The following SGCZ variants were observed in gnomAD, a reference collection of about 807,000 sequenced individuals.
SGCZ encodes sarcoglycan zeta.
SGCZ carries 40 observed loss-of-function variants against 41.3 expected under a neutral mutation model. That is an observed-to-expected ratio of 0.97 (90% CI 0.75 to 1.26). The LOEUF (loss-of-function observed/expected upper bound fraction) is 1.26, where lower values mean the gene tolerates loss of function less well. SGCZ is among the 50% of genes most tolerant of loss of function. The pLI, the probability that SGCZ is intolerant of heterozygous loss-of-function variation, is 0.00. For synonymous variants in SGCZ, 206 were observed against 137.5 expected (o/e 1.50, Z -3.49); for missense variants, 552 against 369.8 (o/e 1.49, Z -4.04).
chr8:14,623,684 T>A (rs536341611), intron 1 of SGCZ, among the ~76,000 whole-genome samples: 92 of 152,306 alleles, frequency 6.0e-4, no homozygotes, highest in African/African-American at 2.2e-3. Flanking sequence ...ATGTTTATAA[T>A]TTTTAACCCC....
intron 1 of SGCZ, among the ~76,000 whole-genome samples, chr8:14,803,014 G>A (rs975517278): frequency 6.6e-6 from 1 of 152,008 alleles, no homozygotes; most frequent in African/African-American, 2.4e-5. Context: ...CTGCTCCCTT[G>A]GAACGTATTT....
chr8:15,022,759 C>A (rs1180847111), intron 1 of SGCZ, among the ~76,000 whole-genome samples: 6 of 152,166 alleles, frequency 3.9e-5, no homozygotes, highest in Non-Finnish European at 7.3e-5. Context: ...TTATAACTTT[C>A]ATATTCAATG....
At chr8:14,732,967 A>T (rs1798910025) in intron 1 of SGCZ, among the ~76,000 whole-genome samples, 2 of 152,162 alleles carry the variant, frequency 1.3e-5, no homozygotes, top group African/African-American at 4.8e-5. Context: ...ACATTAGTTT[A>T]TCATTTAAAA....
At chr8:14,267,288 C>G (rs1351971045) in intron 3 of SGCZ, among the ~76,000 whole-genome samples, 7 of 151,790 alleles carry the variant, frequency 4.6e-5, no homozygotes, top group Non-Finnish European at 1.0e-4. Flanking sequence ...TAAAAGAGCT[C>G]AAAATGAATC....
chr8:14,110,697 G>A (rs996735966), intron 5 of SGCZ, among the ~76,000 whole-genome samples: 1 of 152,052 alleles, frequency 6.6e-6, no homozygotes, highest in Non-Finnish European at 1.5e-5. Context: ...TAATCTTAAA[G>A]GAAATCAGTA....
intron 5 of SGCZ, among the ~76,000 whole-genome samples, chr8:14,109,369 A>T (rs1802306540): frequency 6.6e-6 from 1 of 152,152 alleles, no homozygotes; most frequent in Admixed American, 6.6e-5. Flanking sequence ...AGTGGGAAAA[A>T]AATGTTCCAA....
intron 1 of SGCZ, among the ~76,000 whole-genome samples, chr8:14,960,873 G>A (rs550396188): frequency 6.6e-6 from 1 of 151,582 alleles, no homozygotes; most frequent in African/African-American, 2.4e-5. Flanking sequence ...CTTTGAAAGT[G>A]GAATTGTATT....
chr8:15,209,762 C>G (rs988309924), intron 1 of SGCZ, among the ~76,000 whole-genome samples: 3 of 56,654 alleles, frequency 5.3e-5, no homozygotes, highest in African/African-American at 1.4e-4. Flanking sequence ...CAGTAGTTGC[C>G]TTAAAAAAAT....
At chr8:14,958,052 T>A (rs1800847320) in intron 1 of SGCZ, among the ~76,000 whole-genome samples, 1 of 152,112 alleles carries the variant, frequency 6.6e-6, no homozygotes, top group Non-Finnish European at 1.5e-5. Flanking sequence ...CACATATTCA[T>A]CTCTATTTTA....
chr8:15,098,941 C>T (rs771700054), intron 1 of SGCZ, among the ~76,000 whole-genome samples: 1 of 152,086 alleles, frequency 6.6e-6, no homozygotes, highest in Non-Finnish European at 1.5e-5. Context: ...GCCTGTAATC[C>T]CAGCTACTCC....
chr8:14,417,510 C>T (rs1188706470), intron 2 of SGCZ, among the ~76,000 whole-genome samples: 1 of 151,784 alleles, frequency 6.6e-6, no homozygotes, highest in Non-Finnish European at 1.5e-5. Flanking sequence ...GAAATAAATA[C>T]ATAGTATCTG....
At chr8:14,451,804 G>A (rs1195548747) in intron 2 of SGCZ, among the ~76,000 whole-genome samples, 4 of 152,132 alleles carry the variant, frequency 2.6e-5, no homozygotes, top group Admixed American at 2.6e-4. Flanking sequence ...TTATTAGAAT[G>A]GCCAAAGTCC....
rs1803829275 is a variant in SGCZ, at chr8:14,551,504, AT to A, written c.234+3227del. The stretch of plus-strand genomic sequence containing the variant: ...ATTATATATATTATATATATTATAT[AT>A]ATTATATATATTATATATAATATAT... On this transcript the variant is annotated intron_variant, in intron 2 of 7. Coordinates refer to ENST00000382080, the MANE Select transcript of SGCZ (RefSeq NM_139167.4). 5.6e-4 allele frequency among the ~76,000 whole-genome samples: 3 copies of A among 5,334 alleles called. 1 individual carries two copies. The highest frequency in any genetic ancestry group is 8.6e-4 in the African/African-American group (1 of 1,158). The allele number at this position is 5,334 out of a possible 152,430, so 3.5% of individuals were successfully genotyped here.
At chr8:14,564,328 T>C (rs1306835686) in intron 1 of SGCZ, among the ~76,000 whole-genome samples, 1 of 152,122 alleles carries the variant, frequency 6.6e-6, no homozygotes, top group Non-Finnish European at 1.5e-5. Context: ...CATATTTAGA[T>C]TTAACGCTAC....
At chr8:14,794,842 A>G (rs1801073504) in intron 1 of SGCZ, among the ~76,000 whole-genome samples, 1 of 152,236 alleles carries the variant, frequency 6.6e-6, no homozygotes, top group Non-Finnish European at 1.5e-5. Context: ...AGATTTCTGA[A>G]CAGGAACACT....
At chr8:14,917,252 A>G (rs1257669190) in intron 1 of SGCZ, among the ~76,000 whole-genome samples, 1 of 152,138 alleles carries the variant, frequency 6.6e-6, no homozygotes, top group East Asian at 1.9e-4. Flanking sequence ...TCTATGGACA[A>G]TAATAATGTA....
intron 2 of SGCZ, among the ~76,000 whole-genome samples, chr8:14,377,160 C>A (rs55821498): frequency 0.045 from 6,785 of 152,218 alleles, 494 homozygotes; most frequent in African/African-American, 0.15. Flanking sequence ...TACTCCCCAA[C>A]CTCCAGGGAG....
At chr8:14,892,817 A>C (rs1311907623) in intron 1 of SGCZ, among the ~76,000 whole-genome samples, 1 of 152,152 alleles carries the variant, frequency 6.6e-6, no homozygotes, top group African/African-American at 2.4e-5. Flanking sequence ...TCACTCTTAA[A>C]ATAGAAGGTT....
chr8:14,819,031 T>C (rs1248787236), intron 1 of SGCZ, among the ~76,000 whole-genome samples: 3 of 151,746 alleles, frequency 2.0e-5, no homozygotes, highest in Non-Finnish European at 4.4e-5. Flanking sequence ...GATATGGATA[T>C]CCAGATTCAG....
Sources: gnomAD v4.1 joint callset for allele counts (sites outside exome capture counted in the v4.1 genomes callset) on GRCh38, gnomAD v4.1.1 for gene constraint, MANE v1.5 for transcripts, NCBI Gene and HGNC (gene_info 2026-07-23, HGNC 2026-07-21) for gene names.